DMD: variants seen among roughly 807,000 people sequenced by gnomAD.
DMD encodes dystrophin.
Under a neutral mutation model 330.1 loss-of-function variants are expected in DMD, and 63 were observed. The observed-to-expected ratio is 0.19, with a 90% confidence interval of 0.16 to 0.24. DMD has a LOEUF of 0.24. Among genes scored for constraint, DMD ranks in the 10% least tolerant of loss-of-function variants. DMD has a pLI of 1.00. For missense variants in DMD, 3,344 were observed against 2,684.1 expected, an observed-to-expected ratio of 1.25 and a Z score of -5.43; for synonymous variants, 1,223 against 959.8, an observed-to-expected ratio of 1.27 and a Z score of -5.07.
intron 17 of DMD, among the ~76,000 whole-genome samples, chrX:32,538,530 T>TA (rs1398895386): frequency 9.0e-6 from 1 of 111,060 alleles, no homozygotes; most frequent in Non-Finnish European, 1.9e-5. Context: ...CCAGGTGAAA[T>TA]AGACAGCCTT....
chrX:31,532,068 A>G (rs1486012053), intron 55 of DMD, among the ~76,000 whole-genome samples: 1 of 78,438 alleles, frequency 1.3e-5, no homozygotes, highest in Non-Finnish European at 2.3e-5. Flanking sequence ...TCTGCAGGAT[A>G]TTATCCAGGA....
At chrX:32,085,717 T>TACACAC (rs1434827244) in intron 44 of DMD, among the ~76,000 whole-genome samples, 1 of 105,642 alleles carries the variant, frequency 9.5e-6, no homozygotes, top group African/African-American at 3.6e-5. Flanking sequence ...CGTATATATA[T>TACACAC]ACACATACAC....
chrX:32,254,970 T>C (rs2097292472), intron 43 of DMD, among the ~76,000 whole-genome samples: 1 of 111,896 alleles, frequency 8.9e-6, no homozygotes, highest in Non-Finnish European at 1.9e-5. Context: ...AAACTGAAAC[T>C]CTATACCAAT....
chrX:32,111,040 T>C (rs942088237), intron 44 of DMD, among the ~76,000 whole-genome samples: 2 of 112,363 alleles, frequency 1.8e-5, no homozygotes, highest in Non-Finnish European at 3.8e-5. Context: ...AGTTTATCCA[T>C]TGTTTACATA....
chrX:32,911,291 T>G (rs1180284967), intron 2 of DMD, among the ~76,000 whole-genome samples: 4 of 111,771 alleles, frequency 3.6e-5, no homozygotes, highest in African/African-American at 1.3e-4. Context: ...GAAAGAGAGG[T>G]AAACACAAAA....
intron 2 of DMD, among the ~76,000 whole-genome samples, chrX:32,886,879 A>C (rs914570653): frequency 8.9e-6 from 1 of 111,981 alleles, no homozygotes; most frequent in African/African-American, 3.2e-5. Context: ...ATAGTAAAAA[A>C]GGGTGAAAAG....
chrX:32,456,893 T>C lies in DMD; in HGVS notation c.3433-2061A>G, dbSNP rs142261802. Among the ~76,000 whole-genome samples the C allele has an allele frequency of 5.3e-3, 549 of 104,234 alleles. 6 individuals carry two copies. The highest frequency in any genetic ancestry group is 0.018 in the African/African-American group (509 of 28,464). The allele number at this position is 104,234 out of a possible 115,157, so 90.5% of individuals were successfully genotyped here. On this transcript the variant is annotated intron_variant, in intron 25 of 78. Coordinates refer to ENST00000357033, the MANE Select transcript of DMD (RefSeq NM_004006.3). Reference sequence around the variant, plus strand: ...ATTTAATATGCCTATTATTAATTGATGTGGAGGTGTTGAGTGGGCAAATGG... The same window carrying C: ...ATTTAATATGCCTATTATTAATTGACGTGGAGGTGTTGAGTGGGCAAATGG...
rs1361091702 is a variant in DMD at position 32,557,131 on chromosome X, AT to A, written c.1992+8570del. On this transcript the variant is annotated intron_variant, in intron 16 of 78. Coordinates refer to ENST00000357033, the MANE Select transcript of DMD (RefSeq NM_004006.3). ...AAGAGTAAGTACTAATATTATTCCTATTTTATAGATGAAAGTGACCTTGTTG... is the reference window on the plus strand; with the variant it reads ...AAGAGTAAGTACTAATATTATTCCTATTTATAGATGAAAGTGACCTTGTTG... 3.6e-5 allele frequency among the ~76,000 whole-genome samples: 4 copies of A among 111,404 alleles called. No homozygotes were observed. In the East Asian group the frequency reaches 1.1e-3, roughly 31 times the overall value.
At chrX:32,240,842 T>C (rs1400201425) in intron 43 of DMD, among the ~76,000 whole-genome samples, 1 of 111,556 alleles carries the variant, frequency 9.0e-6, no homozygotes, top group Non-Finnish European at 1.9e-5. Flanking sequence ...GAGTAGTGTC[T>C]AATTAACTAC....
chrX:32,005,346 C>T (rs188856893), intron 44 of DMD, among the ~76,000 whole-genome samples: 2 of 111,147 alleles, frequency 1.8e-5, no homozygotes, highest in East Asian at 2.8e-4. Context: ...TGAATTTCCC[C>T]CTTGAGCCCA....
Position 31,478,178 on chromosome X carries a change from C to T in DMD, c.8865G>A (p.Val2955=), listed in dbSNP as rs374478841. The T allele has an allele frequency of 4.1e-6, 5 of 1,209,072 alleles. No homozygotes were observed. Among genetic ancestry groups the T allele is most frequent in the Non-Finnish European group, 5.6e-6 (5 of 894,881 alleles). ...CCACGGGCTGCCAGGATCCCTTGAT[C>T]ACCTCAGCTTGGCGCAGCTTGAGGT... ...ELDLKLRQAE[V]IKGSWQPVGD... is the part of the protein sequence containing the mutation. Residue 2955 remains valine (V), a synonymous_variant, in exon 59 of 79, where the codon GTG becomes GTA. Transcript: ENST00000357033.
intron 9 of DMD, among the ~76,000 whole-genome samples, chrX:32,646,069 C>A (rs978903621): frequency 9.0e-6 from 1 of 111,531 alleles, no homozygotes; most frequent in South Asian, 3.7e-4. Context: ...GAGGCTGGAG[C>A]GCTCTGCGTG....
intron 13 of DMD, among the ~76,000 whole-genome samples, chrX:32,591,613 T>G (rs773651133): frequency 1.4e-4 from 16 of 112,530 alleles, no homozygotes; most frequent in Middle Eastern, 4.6e-3. Flanking sequence ...GCAGCCTGTC[T>G]GGAGCGGCCA....
intron 63 of DMD, among the ~76,000 whole-genome samples, chrX:31,252,162 A>C (rs2049435879): frequency 8.9e-6 from 1 of 112,408 alleles, no homozygotes; most frequent in Admixed American, 9.4e-5. Flanking sequence ...ATGGATCCTA[A>C]TCAAAGTTAA....
chrX:32,940,462 C>G (rs1265353037), intron 2 of DMD, among the ~76,000 whole-genome samples: 1 of 111,185 alleles, frequency 9.0e-6, no homozygotes, highest in Non-Finnish European at 1.9e-5. Flanking sequence ...GGCACAAAAA[C>G]AGACACATAA....
intron 7 of DMD, among the ~76,000 whole-genome samples, chrX:32,732,203 G>C (rs762798121): frequency 1.8e-5 from 2 of 110,898 alleles, no homozygotes; most frequent in South Asian, 3.9e-4. Context: ...GAGAAGGGAA[G>C]TTTAGAGGAA....
intron 52 of DMD, among the ~76,000 whole-genome samples, chrX:31,720,173 T>C (rs1380587356): frequency 2.7e-5 from 3 of 112,343 alleles, no homozygotes; most frequent in African/African-American, 6.5e-5. Context: ...CTACTTACTT[T>C]ATAAATGTTT....
chrX:32,460,736 G>A lies in DMD; in HGVS notation c.3432+2703C>T, dbSNP rs73451772. ...CTACTCGGGTATCAGCTTTAATTTCGCCTCTTCAGAAAACACTCTACTGAC... is the reference window on the plus strand; with the variant it reads ...CTACTCGGGTATCAGCTTTAATTTCACCTCTTCAGAAAACACTCTACTGAC... On this transcript the variant is annotated intron_variant, in intron 25 of 78. Transcript: ENST00000357033. Among the ~76,000 whole-genome samples, 370 of 110,888 alleles carry A rather than the reference G, an allele frequency of 3.3e-3. 3 individuals are homozygous for A. Among genetic ancestry groups the A allele is most frequent in the African/African-American group, 0.011 (343 of 30,519 alleles).
chrX:33,131,229 T>A (rs1473949855), intron 1 of DMD, among the ~76,000 whole-genome samples: 1 of 110,967 alleles, frequency 9.0e-6, no homozygotes, highest in Non-Finnish European at 1.9e-5. Context: ...GGACAACACA[T>A]CGGGTAGCGA....
Sources: allele counts gnomAD v4.1 joint callset (sites outside exome capture counted in the v4.1 genomes callset), GRCh38; gene constraint gnomAD v4.1.1; transcripts MANE v1.5; gene names NCBI Gene and HGNC (gene_info 2026-07-23, HGNC 2026-07-21).